Variants in PI4KB observed in about 807,000 individuals in gnomAD.
The protein encoded by PI4KB is PtdIns 4-kinase beta.
A neutral mutation model predicts 81.4 loss-of-function variants in PI4KB; 23 were observed. The observed-to-expected ratio is 0.28, with a 90% CI of 0.20 to 0.40. PI4KB has a LOEUF of 0.40. Among genes scored for constraint, PI4KB ranks in the 10% least tolerant of loss-of-function variants. The pLI is 1.00. For synonymous variants in PI4KB, 381 were observed against 406.8 expected (o/e 0.94, Z 0.76); for missense variants, 651 against 1,036.6 (o/e 0.63, Z 5.11).
chr1:151,304,471 G>A (rs1695578032), intron 5 of PI4KB, among the ~76,000 whole-genome samples: 2 of 148,952 alleles, frequency 1.3e-5, no homozygotes, highest in African/African-American at 5.0e-5. Context: ...AGCCTTCTGA[G>A]TAGCTGGGAT....
At chr1:151,322,277 A>C (rs1354860138) in intron 1 of PI4KB, among the ~76,000 whole-genome samples, 1 of 152,260 alleles carries the variant, frequency 6.6e-6, no homozygotes, top group African/African-American at 2.4e-5. Flanking sequence ...CAGGTCACAC[A>C]GAGCAGCAGC....
At chr1:151,309,494 C>G (rs1696034922) in intron 3 of PI4KB, among the ~76,000 whole-genome samples, 4 of 152,128 alleles carry the variant, frequency 2.6e-5, no homozygotes, top group Admixed American at 2.6e-4. Context: ...TAAAAAAAAT[C>G]AGCCAAACTC....
chr1:151,321,831 C>A (rs1250846339), intron 1 of PI4KB, among the ~76,000 whole-genome samples: 7 of 147,730 alleles, frequency 4.7e-5, no homozygotes, highest in Non-Finnish European at 8.9e-5. Context: ...CGAGATCACA[C>A]CACTGCACTC....
At chr1:151,295,300 A>AGAAGG (rs1259373708) in intron 9 of PI4KB, among the ~76,000 whole-genome samples, 5 of 152,214 alleles carry the variant, frequency 3.3e-5, no homozygotes, top group Non-Finnish European at 7.3e-5. Flanking sequence ...CTAAGAGCTG[A>AGAAGG]TGGTCTGAGG....
chr1:151,301,146 A>G (rs1011473800), intron 8 of PI4KB, among the ~76,000 whole-genome samples: 1 of 152,192 alleles, frequency 6.6e-6, no homozygotes, highest in Non-Finnish European at 1.5e-5. Context: ...AGACCTTGGC[A>G]GGAAGGTGGT....
rs1387427113 is a variant in PI4KB at position 151,292,082 on chromosome 1, T to TCAC, written c.*767_*769dup. The TCAC allele has an allele frequency of 3.3e-5, 5 of 152,202 alleles. No individual in the cohort carries two copies. Among genetic ancestry groups the TCAC allele is most frequent in the Non-Finnish European group, 5.9e-5 (4 of 68,108 alleles). The allele number at this position is 152,202 out of a possible 1,614,324, so 9.4% of individuals were successfully genotyped here. Reference sequence around the variant, plus strand: ...CACTGAGGCATCCGTTCATACCTCATCACCCATCTCCCCCTGCACTCCCCC... The same window carrying TCAC: ...CACTGAGGCATCCGTTCATACCTCATCACCACCCATCTCCCCCTGCACTCCCCC... On this transcript the variant is annotated 3_prime_UTR_variant, in exon 12 of 12. Coordinates refer to ENST00000368873, the MANE Select transcript of PI4KB (RefSeq NM_001369623.2).
At chr1:151,297,427 C>T (rs1269129485) in intron 9 of PI4KB, among the ~76,000 whole-genome samples, 4 of 151,314 alleles carry the variant, frequency 2.6e-5, no homozygotes, top group African/African-American at 9.7e-5. Flanking sequence ...CTGCAATCTC[C>T]ACCTCCTGGG....
chr1:151,294,212 CA>C, intron 10 of PI4KB, 74 bp from the exon 11 acceptor site: 1 of 1,548,298 alleles, frequency 6.5e-7, no homozygotes, highest in East Asian at 2.3e-5. Context: ...ACTGGCCTAC[CA>C]GAACTCCTCC....
intron 9 of PI4KB, among the ~76,000 whole-genome samples, chr1:151,296,500 T>C (rs1694809995): frequency 6.6e-6 from 1 of 151,766 alleles, no homozygotes; most frequent in South Asian, 2.1e-4. Flanking sequence ...AGATGAAGTC[T>C]CACTCTGTCA....
At position 151,311,120 on chromosome 1, in the gene PI4KB, CAG is replaced by C. The variant is rs1180774185; in HGVS notation, c.910-867_910-866del. Among the ~76,000 whole-genome samples the C allele has an allele frequency of 3.3e-5, 5 of 152,238 alleles. No individual in the cohort carries two copies. In the East Asian group the frequency reaches 7.7e-4, roughly 24 times the overall value. On this transcript the variant is annotated intron_variant, in intron 2 of 11. Transcript: ENST00000368873. ...TGTCATATGTGTCCGTGTGCAAAAA[CAG>C]GGGAAAGAGATGGTGTCAAACTCTC...
At chr1:151,323,833 AAGG>A (rs1649216970) in intron 1 of PI4KB, among the ~76,000 whole-genome samples, 1 of 152,208 alleles carries the variant, frequency 6.6e-6, no homozygotes, top group Non-Finnish European at 1.5e-5. Context: ...TGAGATAATT[AAGG>A]AGGTTAACTC....
At chr1:151,295,545 C>G (rs1200609577) in intron 9 of PI4KB, among the ~76,000 whole-genome samples, 1 of 152,220 alleles carries the variant, frequency 6.6e-6, no homozygotes, top group Non-Finnish European at 1.5e-5. Context: ...CATAGCCTCT[C>G]TTTTCACTAC....
At chr1:151,308,492 G>C (rs1695969006) in intron 3 of PI4KB, among the ~76,000 whole-genome samples, 1 of 152,184 alleles carries the variant, frequency 6.6e-6, no homozygotes, top group South Asian at 2.1e-4. Context: ...GATGGAGAAA[G>C]CAACAGCTCC....
intron 9 of PI4KB, 35 bp downstream of exon 9, chr1:151,298,773 G>C: frequency 6.3e-7 from 1 of 1,598,962 alleles, no homozygotes; most frequent in South Asian, 1.1e-5. Flanking sequence ...GAGAACCCTG[G>C]AGAAATGTTA....
At chr1:151,298,072 G>C (rs1694956616) in intron 9 of PI4KB, among the ~76,000 whole-genome samples, 1 of 152,152 alleles carries the variant, frequency 6.6e-6, no homozygotes, top group South Asian at 2.1e-4. Flanking sequence ...TGTGTAGTTA[G>C]TTTTCATCAA....
chr1:151,300,480 C>T (rs956715962), intron 8 of PI4KB, among the ~76,000 whole-genome samples: 5 of 152,140 alleles, frequency 3.3e-5, no homozygotes, highest in Non-Finnish European at 7.4e-5. Flanking sequence ...GTGGCGCATG[C>T]CTATAATCCC....
rs759039473 is a variant in PI4KB, at chr1:151,315,861, G to A, written c.621C>T (p.Asn207=). The stretch of plus-strand genomic sequence containing the variant: ...GCAACAGGGCACACTGGAGGGAAAA[G>A]TTAATGCTCTGGCGGCAACGGTGGA... The part of the protein sequence containing the change: ...YIVHRCRQSI[N]FSLQCALLLG... The change falls in exon 2 of 12, where the codon AAC becomes AAT. Residue 207 remains asparagine, a synonymous_variant. Transcript: ENST00000368873. The A allele has an allele frequency of 1.2e-6, 2 of 1,614,146 alleles. No homozygotes were observed. Among genetic ancestry groups the A allele is most frequent in the East Asian group, 4.5e-5 (2 of 44,892 alleles).
chr1:151,327,635 C>T (rs922542175), upstream of PI4KB: 6 of 372,652 alleles, frequency 1.6e-5, no homozygotes, highest in East Asian at 3.9e-5. Context: ...GCGGTCAGGA[C>T]CCTACCGATT....
chr1:151,327,212 A>AGGGTGGGG, intron 1 of PI4KB, 59 bp downstream of exon 1: 2 of 79,244 alleles, frequency 2.5e-5, no homozygotes, highest in Non-Finnish European at 2.5e-5. Context: ...AGGGTGGGAG[A>AGGGTGGGG]GGGACCCCCC....
Sources: allele counts gnomAD v4.1 joint callset (sites outside exome capture counted in the v4.1 genomes callset), GRCh38; gene constraint gnomAD v4.1.1; transcripts MANE v1.5; gene names NCBI Gene and HGNC (gene_info 2026-07-23, HGNC 2026-07-21).